The following ITM2B variants were observed in gnomAD, a reference collection of about 807,000 sequenced individuals.
The protein encoded by ITM2B is ABri/ADan amyloid peptide.
In ITM2B, 11 loss-of-function variants were observed where a neutral mutation model predicts 27.8. The observed-to-expected ratio is 0.40, with a 90% CI of 0.25 to 0.66. ITM2B has a LOEUF of 0.66. Among genes scored for constraint, ITM2B ranks in the 30% least tolerant of loss-of-function variants. The pLI is 0.43. For synonymous variants in ITM2B, 114 were observed against 114.3 expected, an observed-to-expected ratio of 1.00 and a Z score of 0.02; for missense variants, 296 against 328.9, an observed-to-expected ratio of 0.90 and a Z score of 0.77.
In ITM2B at chr13:48,270,200, T is replaced by C. The variant is rs1212107974; in HGVS notation, c.*8976T>C. ...GAGCATTGCTCCTTATCTATGCCTC[T>C]GCTCTTAGACTTTTCCATTCTGCCC... On this transcript the variant is annotated 3_prime_UTR_variant, in exon 6 of 6. Coordinates refer to ENST00000647800, the MANE Select transcript of ITM2B (RefSeq NM_021999.5). 3 of 152,284 alleles carry C rather than the reference T, an allele frequency of 2.0e-5. No homozygotes were observed. Among genetic ancestry groups the C allele is most frequent in the Non-Finnish European group, 2.9e-5 (2 of 68,066 alleles). 9.4% of individuals were successfully genotyped at this position (152,284 alleles called of 1,614,324 possible).
chr13:48,269,557 T>G lies in ITM2B; in HGVS notation c.*8333T>G, dbSNP rs1039435224. 1 of 152,186 alleles carries G rather than the reference T, an allele frequency of 6.6e-6. No individual in the cohort carries two copies. Among genetic ancestry groups the G allele is most frequent in the Non-Finnish European group, 1.5e-5 (1 of 68,174 alleles). 9.4% of individuals were successfully genotyped at this position (152,186 alleles called of 1,614,324 possible). A position where few individuals can be genotyped will look rare whatever the true frequency, so the allele number is the denominator to read the frequency against. ...CACCTCCTGTAACTCTCCCCCTTTC[T>G]CACTCCTCTACAGCCACACAGCTGC... On this transcript the variant is annotated 3_prime_UTR_variant, in exon 6 of 6. Transcript: ENST00000647800.
intron 1 of ITM2B, among the ~76,000 whole-genome samples, chr13:48,240,413 G>A (rs1951693319): frequency 6.6e-6 from 1 of 152,070 alleles, no homozygotes; most frequent in Non-Finnish European, 1.5e-5. Flanking sequence ...CACCATGTTG[G>A]CCCGGTTGGT....
chr13:48,236,680 T>A (rs1951670763), intron 1 of ITM2B, among the ~76,000 whole-genome samples: 3 of 152,230 alleles, frequency 2.0e-5, no homozygotes, highest in African/African-American at 7.2e-5. Context: ...AGGAGATGGG[T>A]AGAGGTATTA....
intron 1 of ITM2B, among the ~76,000 whole-genome samples, chr13:48,237,680 A>G (rs1951676455): frequency 1.3e-5 from 2 of 152,188 alleles, no homozygotes; most frequent in South Asian, 2.1e-4. Context: ...GCATTTCCAA[A>G]TCTTGACTTG....
In ITM2B at chr13:48,265,179, T is replaced by TTTTGAAG. The variant is rs1951845350; in HGVS notation, c.*3956_*3962dup. On this transcript the variant is annotated 3_prime_UTR_variant, in exon 6 of 6. Transcript: ENST00000647800. ...TTGTAAAAATATCAAATAATACAGTTTTTGAAGGTAAAAAGTAAATGTTCC... is the reference window on the plus strand; with the variant it reads ...TTGTAAAAATATCAAATAATACAGTTTTTGAAGTTTGAAGGTAAAAAGTAAATGTTCC... 1 of 151,962 alleles carries TTTTGAAG rather than the reference T, an allele frequency of 6.6e-6. No homozygotes were observed. The highest frequency in any genetic ancestry group is 1.5e-5 in the Non-Finnish European group (1 of 68,032). 9.4% of individuals were successfully genotyped at this position (151,962 alleles called of 1,614,324 possible). A position where few individuals can be genotyped will look rare whatever the true frequency, so the allele number is the denominator to read the frequency against.
At position 48,267,284 on chromosome 13, in the gene ITM2B, C is replaced by T. The variant is rs1951858336; in HGVS notation, c.*6060C>T. On this transcript the variant is annotated 3_prime_UTR_variant, in exon 6 of 6. Transcript: ENST00000647800. ...CAAGTTCTTAGAACATTTCTTAAAA[C>T]ATAATTAGCCAAATACTAGTGTAAC... 6.6e-6 allele frequency: 1 copy of T among 151,918 alleles called. No homozygotes were observed. Among genetic ancestry groups the T allele is most frequent in the Non-Finnish European group, 1.5e-5 (1 of 67,994 alleles). 9.4% of individuals were successfully genotyped at this position (151,918 alleles called of 1,614,324 possible).
At position 48,261,249 on chromosome 13, in the gene ITM2B, GA is replaced by G; in HGVS notation, c.*29del. 6.8e-7 allele frequency: 1 copy of G among 1,472,510 alleles called. No individual in the cohort carries two copies. Among genetic ancestry groups the G allele is most frequent in the South Asian group, 1.1e-5 (1 of 87,778 alleles). 91.2% of individuals were successfully genotyped at this position (1,472,510 alleles called of 1,614,324 possible). The stretch of plus-strand genomic sequence containing the variant: ...AACAGTCAAGAAAAACATTATTGAG[GA>G]AAATTAATATCACAGCATAACCCCA... On this transcript the variant is annotated 3_prime_UTR_variant, in exon 6 of 6. Coordinates refer to ENST00000647800, the MANE Select transcript of ITM2B (RefSeq NM_021999.5).
In ITM2B at chr13:48,233,324, CCCG is replaced by C. The variant is rs531403426; in HGVS notation, c.-28_-26del. 4 of 1,384,862 alleles carry C rather than the reference CCCG, an allele frequency of 2.9e-6. No homozygotes were observed. Among genetic ancestry groups the C allele is most frequent in the Admixed American group, 2.2e-5 (1 of 45,902 alleles). The allele number at this position is 1,384,862 out of a possible 1,614,324, so 85.8% of individuals were successfully genotyped here. Reference sequence around the variant, plus strand: ...GGGAGCCCGCAGCCCGCGCCCCGAGCCCGCCGCCGCCCTTCGAGGGCGCCCCAG... The same window carrying C: ...GGGAGCCCGCAGCCCGCGCCCCGAGCCCGCCGCCCTTCGAGGGCGCCCCAG... On this transcript the variant is annotated 5_prime_UTR_variant, in exon 1 of 6. Transcript: ENST00000647800.
chr13:48,256,654 C>T (rs1043214810), intron 3 of ITM2B, among the ~76,000 whole-genome samples: 1 of 152,114 alleles, frequency 6.6e-6, no homozygotes, highest in African/African-American at 2.4e-5. Flanking sequence ...TATATGTTCC[C>T]ACATTTTCTT....
rs1951869938 is a variant in ITM2B, at chr13:48,269,146, T to C, written c.*7922T>C. 6.6e-6 allele frequency: 1 copy of C among 152,188 alleles called. No individual in the cohort carries two copies. Among genetic ancestry groups the C allele is most frequent in the Admixed American group, 6.5e-5 (1 of 15,286 alleles). 9.4% of individuals were successfully genotyped at this position (152,188 alleles called of 1,614,324 possible). On this transcript the variant is annotated 3_prime_UTR_variant, in exon 6 of 6. Coordinates refer to ENST00000647800, the MANE Select transcript of ITM2B (RefSeq NM_021999.5). ...ATCTCAGCTCCTTTTTTTTTCCAGT[T>C]GCACAGGCTAAAAATAGGAAGTCAT...
Position 48,265,932 on chromosome 13 carries a change from T to C in ITM2B, c.*4708T>C, listed in dbSNP as rs1419782126. 6.6e-6 allele frequency: 1 copy of C among 152,192 alleles called. No homozygotes were observed. The allele number at this position is 152,192 out of a possible 1,614,324, so 9.4% of individuals were successfully genotyped here. A position where few individuals can be genotyped will look rare whatever the true frequency, so the allele number is the denominator to read the frequency against. ...TTATATTTTGTCCTTGTTGCTTGTT[T>C]GGTTAATAGATTTCCACCACTAGAC... On this transcript the variant is annotated 3_prime_UTR_variant, in exon 6 of 6. Coordinates refer to ENST00000647800, the MANE Select transcript of ITM2B (RefSeq NM_021999.5).
At chr13:48,252,397 T>G (rs1348877170) in intron 1 of ITM2B, among the ~76,000 whole-genome samples, 1 of 152,222 alleles carries the variant, frequency 6.6e-6, no homozygotes, top group Non-Finnish European at 1.5e-5. Context: ...CTGCCTGAGC[T>G]CCGCCTCCTC....
Position 48,246,238 on chromosome 13 carries a change from T to C in ITM2B, c.118-7570T>C, listed in dbSNP as rs187618885. Among the ~76,000 whole-genome samples, 5 of 152,368 alleles carry C rather than the reference T, an allele frequency of 3.3e-5. No individual in the cohort carries two copies. In the East Asian group the frequency reaches 9.6e-4, roughly 29 times the overall value. On this transcript the variant is annotated intron_variant, in intron 1 of 5. Coordinates refer to ENST00000647800, the MANE Select transcript of ITM2B (RefSeq NM_021999.5). The stretch of plus-strand genomic sequence containing the variant: ...TAATATTGACAGAAGGTCAGAGGCC[T>C]TTGTGAAATAGAGTACTCACAAATA...
At chr13:48,253,362 A>G (rs1411909324) in intron 1 of ITM2B, among the ~76,000 whole-genome samples, 1 of 152,218 alleles carries the variant, frequency 6.6e-6, no homozygotes, top group African/African-American at 2.4e-5. Flanking sequence ...AACCACCTGT[A>G]GCAGGCCTAA....
intron 1 of ITM2B, among the ~76,000 whole-genome samples, chr13:48,242,201 A>T (rs764161016): frequency 2.6e-5 from 4 of 152,152 alleles, no homozygotes; most frequent in African/African-American, 4.8e-5. Context: ...TGAGTATTGT[A>T]GTATACTTTT....
intron 1 of ITM2B, 47 bp downstream of exon 1, chr13:48,233,524 G>C (rs1361925493): frequency 8.2e-6 from 11 of 1,338,794 alleles, no homozygotes; most frequent in Non-Finnish European, 1.1e-5. Flanking sequence ...GCCCGGCCGG[G>C]GAGGGCTGCG....
intron 1 of ITM2B, among the ~76,000 whole-genome samples, chr13:48,238,829 T>G (rs1951683477): frequency 6.6e-6 from 1 of 152,176 alleles, no homozygotes; most frequent in Non-Finnish European, 1.5e-5. Context: ...ATTATTATTT[T>G]TTTTTAGTGA....
intron 1 of ITM2B, among the ~76,000 whole-genome samples, chr13:48,236,642 A>G (rs989267926): frequency 1.3e-5 from 2 of 152,188 alleles, no homozygotes; most frequent in African/African-American, 2.4e-5. Flanking sequence ...TTCTTCCCTC[A>G]TATCAAGTAG....
Position 48,256,300 on chromosome 13 carries a change from G to C in ITM2B, c.370G>C (p.Glu124Gln), listed in dbSNP as rs1951788567. ...TGAAGAAAATATTAAAATCTTTGAAGAAGAAGAAGTTGAATTTATCAGTGT... is the reference window on the plus strand; with the variant it reads ...TGAAGAAAATATTAAAATCTTTGAACAAGAAGAAGTTGAATTTATCAGTGT... Reference protein sequence around the residue: ...TIEENIKIFEEEEVEFISVPV... With the variant: ...TIEENIKIFEQEEVEFISVPV... The change falls in exon 3 of 6, where the codon GAA (glutamate) becomes CAA (glutamine). Residue 124 changes from glutamate to glutamine, a missense_variant. Glu to Gln is a conservative substitution (Grantham distance 29). Transcript: ENST00000647800. 6.2e-7 allele frequency: 1 copy of C among 1,613,928 alleles called. No individual in the cohort carries two copies. The highest frequency in any genetic ancestry group is 8.5e-7 in the Non-Finnish European group (1 of 1,179,866).
Sources: gnomAD v4.1 joint callset for allele counts (sites outside exome capture counted in the v4.1 genomes callset) on GRCh38, gnomAD v4.1.1 for gene constraint, MANE v1.5 for transcripts, NCBI Gene and HGNC (gene_info 2026-07-23, HGNC 2026-07-21) for gene names.